The following PRKN variants were observed in gnomAD, a reference collection of about 807,000 sequenced individuals.
PRKN encodes parkin RBR E3 ubiquitin protein ligase.
Under a neutral mutation model 59.5 loss-of-function variants are expected in PRKN, and 56 were observed. That is an observed-to-expected ratio of 0.94 (90% CI 0.76 to 1.18). The LOEUF (loss-of-function observed/expected upper bound fraction) is 1.18. Ranked by LOEUF, PRKN falls within the 50% of genes most tolerant of loss-of-function variation. The pLI, the probability that PRKN is intolerant of heterozygous loss-of-function variation, is 0.00. For synonymous variants in PRKN, 250 were observed against 222.1 expected (o/e 1.13, Z -1.12); for missense variants, 657 against 596.4 (o/e 1.10, Z -1.06).
At chr6:161,913,698 G>T (rs142745257) in intron 6 of PRKN, among the ~76,000 whole-genome samples, 261 of 152,244 alleles carry the variant, frequency 1.7e-3, no homozygotes, top group African/African-American at 5.9e-3. Flanking sequence ...TATACTCAAG[G>T]ATACAGCGAT....
intron 6 of PRKN, among the ~76,000 whole-genome samples, chr6:161,937,846 T>C (rs1779413603): frequency 6.6e-6 from 1 of 152,232 alleles, no homozygotes; most frequent in African/African-American, 2.4e-5. Flanking sequence ...CTTTCTATCA[T>C]GTACAAGAAT....
chr6:162,346,877 A>G (rs1784425168), intron 2 of PRKN, among the ~76,000 whole-genome samples: 1 of 152,002 alleles, frequency 6.6e-6, no homozygotes. Context: ...ATCTATGGAT[A>G]TATACATATA....
chr6:162,054,486 C>T (rs768628018), intron 4 of PRKN, among the ~76,000 whole-genome samples: 15 of 152,198 alleles, frequency 9.9e-5, no homozygotes, highest in Admixed American at 2.0e-4. Flanking sequence ...TGACTTTGCT[C>T]CACTTCTGTG....
At chr6:161,853,584 T>G (rs1793522258) in intron 6 of PRKN, among the ~76,000 whole-genome samples, 1 of 152,242 alleles carries the variant, frequency 6.6e-6, no homozygotes, top group African/African-American at 2.4e-5. Flanking sequence ...AACATGACTC[T>G]ACTTAACAGA....
Position 162,459,400 on chromosome 6 carries a change from TATTA to T in PRKN, c.8-15931_8-15928del, listed in dbSNP as rs535214952. Among the ~76,000 whole-genome samples, 450 of 152,262 alleles carry T rather than the reference TATTA, an allele frequency of 3.0e-3. 1 individual carries two copies. Among genetic ancestry groups the T allele is most frequent in the African/African-American group, 0.01 (431 of 41,558 alleles). On this transcript the variant is annotated intron_variant, in intron 1 of 11. Coordinates refer to ENST00000366898, the MANE Select transcript of PRKN (RefSeq NM_004562.3). Reference sequence around the variant, plus strand: ...TATCTTATATTAACTTAGCAAAAATTATTAATTAATATTTAATGAAATTGTCAGT... The same window carrying T: ...TATCTTATATTAACTTAGCAAAAATTATTAATATTTAATGAAATTGTCAGT...
At chr6:161,773,799 T>C (rs1419868595) in intron 7 of PRKN, among the ~76,000 whole-genome samples, 1 of 152,312 alleles carries the variant, frequency 6.6e-6, no homozygotes, top group Non-Finnish European at 1.5e-5. Context: ...TGTTATTTTA[T>C]CTTTAAACAC....
rs1053861614 is a variant in PRKN at position 161,385,864 on chromosome 6, T to A, written c.1167+930A>T. On this transcript the variant is annotated intron_variant, in intron 10 of 11. Coordinates refer to ENST00000366898, the MANE Select transcript of PRKN (RefSeq NM_004562.3). The surrounding 1 kb of genome is among the most constrained non-coding windows in gnomAD (Gnocchi z 4.9). ...CAACTCAGTCCTAAATCCACTCATA[T>A]GCTCATGGCTGGCAATTTAGGAGCA... Among the ~76,000 whole-genome samples, 4 of 152,254 alleles carry A rather than the reference T, an allele frequency of 2.6e-5. No individual in the cohort carries two copies. The highest frequency in any genetic ancestry group is 4.8e-5 in the African/African-American group (2 of 41,468).
At chr6:161,816,154 C>T (rs945391994) in intron 6 of PRKN, among the ~76,000 whole-genome samples, 14 of 152,230 alleles carry the variant, frequency 9.2e-5, no homozygotes, top group African/African-American at 2.2e-4. Context: ...GTCCATGTGG[C>T]GGCAGGCTGC....
intron 4 of PRKN, among the ~76,000 whole-genome samples, chr6:162,105,835 T>G (rs1264367702): frequency 1.3e-5 from 2 of 152,190 alleles, no homozygotes; most frequent in Non-Finnish European, 1.5e-5. Flanking sequence ...AACTAAAATA[T>G]GATAAGATTT....
intron 10 of PRKN, among the ~76,000 whole-genome samples, chr6:161,367,894 C>A (rs1349518324): frequency 6.6e-6 from 1 of 152,184 alleles, no homozygotes; most frequent in African/African-American, 2.4e-5. Context: ...TTAACTATTT[C>A]AGCTGGAGAG....
chr6:161,416,622 C>T (rs1231282151), intron 9 of PRKN, among the ~76,000 whole-genome samples: 3 of 152,120 alleles, frequency 2.0e-5, no homozygotes, highest in Admixed American at 6.5e-5. Context: ...CAGCCTCATC[C>T]GCTGCTGCCT....
intron 9 of PRKN, among the ~76,000 whole-genome samples, chr6:161,522,881 G>A (rs490167): frequency 0.66 from 100,107 of 151,966 alleles, 33,031 homozygotes; most frequent in Middle Eastern, 0.73. Context: ...TAAAGAAATA[G>A]GTAACATTAG....
chr6:162,504,428 A>G (rs1793514831), intron 1 of PRKN, among the ~76,000 whole-genome samples: 4 of 152,226 alleles, frequency 2.6e-5, no homozygotes, highest in South Asian at 4.1e-4. Flanking sequence ...AAAAAATGTT[A>G]TAATAAAAGT....
intron 4 of PRKN, among the ~76,000 whole-genome samples, chr6:162,100,665 C>T (rs926462108): frequency 2.0e-5 from 3 of 152,118 alleles, no homozygotes; most frequent in Non-Finnish European, 4.4e-5. Flanking sequence ...TGCTCTCAAA[C>T]TCCTGACCTC....
intron 1 of PRKN, among the ~76,000 whole-genome samples, chr6:162,510,953 CAT>C (rs1233328820): frequency 8.2e-5 from 10 of 121,494 alleles, no homozygotes; most frequent in Admixed American, 8.4e-5. Flanking sequence ...AAAAACAAAA[CAT>C]ATATACATAT....
intron 6 of PRKN, among the ~76,000 whole-genome samples, chr6:161,937,040 C>T (rs1779386042): frequency 6.6e-6 from 1 of 152,172 alleles, no homozygotes; most frequent in Admixed American, 6.5e-5. Context: ...CATGCCTTGG[C>T]CTCCCAAAGT....
At chr6:162,146,289 A>G (rs1235146143) in intron 4 of PRKN, among the ~76,000 whole-genome samples, 2 of 152,042 alleles carry the variant, frequency 1.3e-5, no homozygotes, top group East Asian at 3.9e-4. Flanking sequence ...AAGCCTCTCT[A>G]CCTCTGAACT....
At chr6:162,150,496 G>A (rs1234216232) in intron 4 of PRKN, among the ~76,000 whole-genome samples, 1 of 152,164 alleles carries the variant, frequency 6.6e-6, no homozygotes, top group Non-Finnish European at 1.5e-5. Context: ...TTCGTCTCAG[G>A]TGAAAAGAAC....
At chr6:162,443,272 T>C (rs776768221) in intron 2 of PRKN, 38 bp downstream of exon 2, 2 of 1,608,462 alleles carry the variant, frequency 1.2e-6, no homozygotes, top group South Asian at 1.1e-5. Flanking sequence ...GCAATGGAGC[T>C]GGCGGCATCC....
Sources: gnomAD v4.1 joint callset for allele counts (sites outside exome capture counted in the v4.1 genomes callset) on GRCh38, gnomAD v4.1.1 for gene constraint, Gnocchi (gnomAD v3.1) non-coding constraint, MANE v1.5 for transcripts, NCBI Gene and HGNC (gene_info 2026-07-23, HGNC 2026-07-21) for gene names.